NR3C2: variants seen among roughly 807,000 people sequenced by gnomAD.
NR3C2 encodes the protein nuclear receptor subfamily 3 group C member 2.
Under a neutral mutation model 86.4 loss-of-function variants are expected in NR3C2, and 15 were observed. The ratio of observed to expected loss-of-function variants is 0.17; its 90% confidence interval spans 0.12 to 0.27. The LOEUF (loss-of-function observed/expected upper bound fraction) is 0.27, where lower values mean the gene tolerates loss of function less well. Among genes scored for constraint, NR3C2 ranks in the 10% least tolerant of loss-of-function variants. The pLI is 1.00. For missense variants in NR3C2, 960 were observed against 1,195.6 expected (o/e 0.80, Z 2.91); for synonymous variants, 458 against 450.5 (o/e 1.02, Z -0.21).
intron 7 of NR3C2, among the ~76,000 whole-genome samples, chr4:148,115,859 T>C (rs1458168219): frequency 6.6e-6 from 1 of 152,226 alleles, no homozygotes; most frequent in Non-Finnish European, 1.5e-5. Flanking sequence ...ATATTAAATG[T>C]TAAATGCTAT....
In NR3C2 at chr4:148,194,759, T is replaced by A; in HGVS notation, c.2001A>T (p.Gly667=). ...ACRLQKCLQA[G]MNLGARKSKK... The stretch of plus-strand genomic sequence containing the variant: ...TACAAAACTTACCTCCTAAATTCAT[T>A]CCAGCTTGAAGACATTTCTGAAGTC... Residue 667 remains glycine (G), a synonymous_variant, in exon 4 of 9, where the codon GGA becomes GGT. Coordinates refer to ENST00000358102, the MANE Select transcript of NR3C2 (RefSeq NM_000901.5). 6.2e-7 allele frequency: 1 copy of A among 1,608,958 alleles called. No individual in the cohort carries two copies. The highest frequency in any genetic ancestry group is 8.5e-7 in the Non-Finnish European group (1 of 1,177,984).
chr4:148,207,897 C>T (rs960136539), intron 3 of NR3C2: 2 of 152,132 alleles, frequency 1.3e-5, no homozygotes, highest in African/African-American at 4.8e-5. Context: ...AATAATAACA[C>T]AGTAATTAAA....
At chr4:148,354,178 G>A (rs1745437840) in intron 2 of NR3C2, among the ~76,000 whole-genome samples, 1 of 151,940 alleles carries the variant, frequency 6.6e-6, no homozygotes, top group Admixed American at 6.6e-5. Flanking sequence ...AGATGACAAG[G>A]ATGAAGACCT....
chr4:148,293,504 T>C (rs1420428504), intron 2 of NR3C2, among the ~76,000 whole-genome samples: 1 of 152,210 alleles, frequency 6.6e-6, no homozygotes, highest in Non-Finnish European at 1.5e-5. Context: ...GTATGTTACC[T>C]CCTTCAATTC....
chr4:148,233,553 T>C lies in NR3C2; in HGVS notation c.1897+26425A>G, dbSNP rs117885990. 1.1e-3 allele frequency among the ~76,000 whole-genome samples: 163 copies of C among 152,004 alleles called. 2 individuals are homozygous for C. In the East Asian group the frequency reaches 0.029, roughly 27 times the overall value. Reference sequence around the variant, plus strand: ...TTTTGTATGTTTTGTAGAGATGAGGTTTCACCATGTTGTCCAGGCTGGTCT... The same window carrying C: ...TTTTGTATGTTTTGTAGAGATGAGGCTTCACCATGTTGTCCAGGCTGGTCT... On this transcript the variant is annotated intron_variant, in intron 3 of 8. Coordinates refer to ENST00000358102, the MANE Select transcript of NR3C2 (RefSeq NM_000901.5).
intron 2 of NR3C2, among the ~76,000 whole-genome samples, chr4:148,300,322 A>G (rs1182018441): frequency 3.3e-5 from 5 of 152,070 alleles, no homozygotes; most frequent in African/African-American, 1.2e-4. Flanking sequence ...ACAGCCCTGA[A>G]TTTTCCTCTC....
chr4:148,329,536 T>C (rs1409445720), intron 2 of NR3C2, among the ~76,000 whole-genome samples: 2 of 152,174 alleles, frequency 1.3e-5, no homozygotes, highest in East Asian at 3.8e-4. Context: ...TTTTCCACAG[T>C]ACATATTTTT....
intron 2 of NR3C2, among the ~76,000 whole-genome samples, chr4:148,344,129 TACA>T (rs1744881033): frequency 6.6e-6 from 1 of 152,176 alleles, no homozygotes. Context: ...CTGACTTAAC[TACA>T]ACAAGGAAGA....
intron 3 of NR3C2, among the ~76,000 whole-genome samples, chr4:148,245,215 G>A (rs1739260641): frequency 6.6e-6 from 1 of 152,124 alleles, no homozygotes; most frequent in African/African-American, 2.4e-5. Flanking sequence ...TTTATTTAAT[G>A]TCTACAATGT....
chr4:148,323,397 T>C (rs978162515), intron 2 of NR3C2, among the ~76,000 whole-genome samples: 9 of 148,168 alleles, frequency 6.1e-5, no homozygotes, highest in Admixed American at 2.7e-4. Context: ...TGAGCTGTGG[T>C]GGGCTCCACC....
chr4:148,140,757 C>G (rs552057335), intron 6 of NR3C2, among the ~76,000 whole-genome samples: 1 of 152,276 alleles, frequency 6.6e-6, no homozygotes, highest in East Asian at 1.9e-4. Flanking sequence ...CAGAATAAAG[C>G]TTGGATGTAC....
chr4:148,229,129 G>A (rs1332162697), intron 3 of NR3C2, among the ~76,000 whole-genome samples: 2 of 152,180 alleles, frequency 1.3e-5, no homozygotes, highest in African/African-American at 4.8e-5. Flanking sequence ...GATAGATGCA[G>A]GAGGCAGATA....
At chr4:148,381,699 A>C (rs17484811) in intron 2 of NR3C2, among the ~76,000 whole-genome samples, 15,812 of 152,246 alleles carry the variant, frequency 0.1, 979 homozygotes, top group Middle Eastern at 0.3. Context: ...TGCTTATGGC[A>C]ACAGTAAATT....
chr4:148,417,643 A>G (rs1749076853), intron 2 of NR3C2, among the ~76,000 whole-genome samples: 1 of 152,240 alleles, frequency 6.6e-6, no homozygotes, highest in Non-Finnish European at 1.5e-5. Flanking sequence ...GGCACATCAA[A>G]AACATCTCAA....
chr4:148,196,520 T>A (rs1026441727), intron 3 of NR3C2, among the ~76,000 whole-genome samples: 1 of 152,186 alleles, frequency 6.6e-6, no homozygotes, highest in Admixed American at 6.5e-5. Context: ...AGGCCCACTG[T>A]TTACTGCAAA....
chr4:148,113,823 T>G (rs1379167426), intron 8 of NR3C2, among the ~76,000 whole-genome samples: 1 of 152,172 alleles, frequency 6.6e-6, no homozygotes, highest in Non-Finnish European at 1.5e-5. Flanking sequence ...TGGAGGTTGC[T>G]AGGCGAAAAT....
At chr4:148,087,733 A>C (rs1037764523) in intron 8 of NR3C2, among the ~76,000 whole-genome samples, 3 of 152,222 alleles carry the variant, frequency 2.0e-5, no homozygotes, top group African/African-American at 7.2e-5. Flanking sequence ...TTAAAGACTT[A>C]AACATAAGAC....
In NR3C2 at chr4:148,082,665, G is replaced by GT. The variant is rs11381991; in HGVS notation, c.2800-1167dup. On this transcript the variant is annotated intron_variant, in intron 8 of 8. Coordinates refer to ENST00000358102, the MANE Select transcript of NR3C2 (RefSeq NM_000901.5). ...TAGGGCAGACACTGAGCTAGCTGCA[G>GT]TTTTTTTTTTTTTTTTTCATACCCC... Among the ~76,000 whole-genome samples, 857 of 130,914 alleles carry GT rather than the reference G, an allele frequency of 6.5e-3. 13 individuals are homozygous for GT. The highest frequency in any genetic ancestry group is 0.016 in the African/African-American group (570 of 35,422). The allele number at this position is 130,914 out of a possible 152,430, so 85.9% of individuals were successfully genotyped here.
chr4:148,443,253 A>AAAAAG (rs1560742809), upstream of NR3C2, among the ~76,000 whole-genome samples: 62 of 134,548 alleles, frequency 4.6e-4, no homozygotes, highest in Non-Finnish European at 8.8e-4. Flanking sequence ...AAAAAAAAAA[A>AAAAAG]AGAGAGAGAG....
Sources: gnomAD v4.1 joint callset for allele counts (sites outside exome capture counted in the v4.1 genomes callset) on GRCh38, gnomAD v4.1.1 for gene constraint, MANE v1.5 for transcripts, NCBI Gene and HGNC (gene_info 2026-07-23, HGNC 2026-07-21) for gene names.